Variants in TBC1D9 observed in about 807,000 individuals in gnomAD.
TBC1D9 encodes the protein TBC1 domain family member 9A.
A neutral mutation model predicts 132.0 loss-of-function variants in TBC1D9; 63 were observed. The ratio of observed to expected loss-of-function variants is 0.48; its 90% confidence interval spans 0.39 to 0.59. The LOEUF (loss-of-function observed/expected upper bound fraction) is 0.59. Among genes scored for constraint, TBC1D9 ranks in the 20% least tolerant of loss-of-function variants. TBC1D9 has a pLI of 0.00. For missense variants in TBC1D9, 1,261 were observed against 1,592.7 expected (o/e 0.79, Z 3.54); for synonymous variants, 610 against 609.9 (o/e 1.00, Z 0.00).
chr4:140,641,138 T>C (rs1311746789), intron 13 of TBC1D9, among the ~76,000 whole-genome samples: 1 of 144,772 alleles, frequency 6.9e-6, no homozygotes, highest in African/African-American at 2.6e-5. Flanking sequence ...GCATATTCCG[T>C]GAGATTCCAT....
At chr4:140,634,281 G>C in intron 15 of TBC1D9, 93 bp from the exon 16 acceptor site, 1 of 1,518,026 alleles carries the variant, frequency 6.6e-7, no homozygotes, top group Non-Finnish European at 8.8e-7. Flanking sequence ...GGCTTTAGGT[G>C]AATCTGTGTG....
intron 1 of TBC1D9, among the ~76,000 whole-genome samples, chr4:140,748,228 TA>T (rs1422284689): frequency 1.3e-5 from 2 of 152,122 alleles, no homozygotes; most frequent in Admixed American, 6.5e-5. Context: ...ATATTTAATT[TA>T]AAAAAATAAT....
chr4:140,646,130 G>A (rs116544854), intron 13 of TBC1D9, among the ~76,000 whole-genome samples: 1,857 of 152,278 alleles, frequency 0.012, 32 homozygotes, highest in African/African-American at 0.043. Context: ...ACAAATATTT[G>A]CTGAACTTAG....
At chr4:140,693,047 A>T (rs1737901094) in intron 2 of TBC1D9, among the ~76,000 whole-genome samples, 1 of 151,314 alleles carries the variant, frequency 6.6e-6, no homozygotes, top group Non-Finnish European at 1.5e-5. Context: ...ACAACAAAAA[A>T]CAACAAAAAA....
At chr4:140,673,512 G>A (rs1423626371) in intron 6 of TBC1D9, among the ~76,000 whole-genome samples, 1 of 152,104 alleles carries the variant, frequency 6.6e-6, no homozygotes, top group Non-Finnish European at 1.5e-5. Context: ...TGCCCCCATT[G>A]CTCTTCTGAC....
At chr4:140,642,859 T>C in intron 13 of TBC1D9, 1 of 577,410 alleles carries the variant, frequency 1.7e-6, no homozygotes, top group South Asian at 2.3e-5. Flanking sequence ...TGGGTCTGTT[T>C]CCACGGCCTG....
chr4:140,663,569 C>T (rs1392470516), intron 9 of TBC1D9, among the ~76,000 whole-genome samples: 1 of 152,056 alleles, frequency 6.6e-6, no homozygotes, highest in Non-Finnish European at 1.5e-5. Flanking sequence ...AAATCAGTAT[C>T]CTGAAGAAAT....
At chr4:140,666,545 A>G (rs1269518391) in intron 9 of TBC1D9, among the ~76,000 whole-genome samples, 1 of 151,888 alleles carries the variant, frequency 6.6e-6, no homozygotes, top group Non-Finnish European at 1.5e-5. Context: ...TCACCTTGTT[A>G]GCCAGGATGG....
chr4:140,710,247 T>A (rs1738222861), intron 1 of TBC1D9, among the ~76,000 whole-genome samples: 2 of 152,004 alleles, frequency 1.3e-5, no homozygotes, highest in Admixed American at 1.3e-4. Context: ...GGGCACTGGT[T>A]AAAAAGTGCT....
At chr4:140,675,557 C>T (rs1737610557) in intron 6 of TBC1D9, among the ~76,000 whole-genome samples, 1 of 152,138 alleles carries the variant, frequency 6.6e-6, no homozygotes, top group South Asian at 2.1e-4. Context: ...CAGACAAGTA[C>T]CAGAGTAAGC....
At chr4:140,731,527 AT>A (rs1738589599) in intron 1 of TBC1D9, among the ~76,000 whole-genome samples, 1 of 152,180 alleles carries the variant, frequency 6.6e-6, no homozygotes, top group Non-Finnish European at 1.5e-5. Flanking sequence ...ACCTGTCTCT[AT>A]AAAAATAAAA....
At position 140,635,211 on chromosome 4, in the gene TBC1D9, G is replaced by A. The variant is rs570329428; in HGVS notation, c.2506-1023C>T. Among the ~76,000 whole-genome samples, 10 of 152,316 alleles carry A rather than the reference G, an allele frequency of 6.6e-5. 2 individuals carry two copies. In the South Asian group the frequency reaches 1.9e-3, roughly 28 times the overall value. On this transcript the variant is annotated intron_variant, in intron 15 of 20. Coordinates refer to ENST00000442267, the MANE Select transcript of TBC1D9 (RefSeq NM_015130.3). ...AAAACACCTTTGGCCAGGTGCAGTG[G>A]CTCATTCCTATATTCCCAGCACTTT...
In TBC1D9 at chr4:140,706,473, A is replaced by C. The variant is rs1009880055; in HGVS notation, c.131-4859T>G. ...TATTGTGTAATGAATCATTCAAAAC[A>C]ATAGAAAAGTACAGGAAATTACAAA... is the stretch of plus-strand genomic sequence containing the variant. On this transcript the variant is annotated intron_variant, in intron 1 of 20. Coordinates refer to ENST00000442267, the MANE Select transcript of TBC1D9 (RefSeq NM_015130.3). The surrounding 1 kb of genome is among the most constrained non-coding windows in gnomAD (Gnocchi z 4.0). 6.6e-6 allele frequency among the ~76,000 whole-genome samples: 1 copy of C among 152,196 alleles called. No individual in the cohort carries two copies. Among genetic ancestry groups the C allele is most frequent in the African/African-American group, 2.4e-5 (1 of 41,458 alleles).
intron 3 of TBC1D9, among the ~76,000 whole-genome samples, chr4:140,684,830 C>CAATA (rs1341385632): frequency 6.7e-6 from 1 of 149,834 alleles, no homozygotes; most frequent in Admixed American, 6.7e-5. Context: ...AACTCTGTCT[C>CAATA]AATAAATAAA....
At chr4:140,684,596 C>T (rs550694365) in intron 3 of TBC1D9, among the ~76,000 whole-genome samples, 41 of 152,056 alleles carry the variant, frequency 2.7e-4, no homozygotes, top group African/African-American at 9.6e-4. Context: ...TTACTTATTT[C>T]TCCTGGCTAT....
At chr4:140,721,083 G>C (rs1252784215) in intron 1 of TBC1D9, among the ~76,000 whole-genome samples, 3 of 152,214 alleles carry the variant, frequency 2.0e-5, no homozygotes, top group African/African-American at 7.2e-5. Flanking sequence ...GGACCTAGAA[G>C]GGTGGGGAAG....
intron 6 of TBC1D9, among the ~76,000 whole-genome samples, chr4:140,672,337 C>A (rs1165157881): frequency 6.6e-6 from 1 of 151,138 alleles, no homozygotes; most frequent in Non-Finnish European, 1.5e-5. Context: ...CTTTCTAATG[C>A]AATAAATGCT....
rs73856685 is a variant in TBC1D9 at position 140,630,650 on chromosome 4, G to A, written c.2747-2285C>T. The stretch of plus-strand genomic sequence containing the variant: ...GTCTCTTGAGTTTGTTTTTCGAGTG[G>A]TGAGCAGCCAAACCTGGGTTCAGTT... On this transcript the variant is annotated intron_variant, in intron 16 of 20. Coordinates refer to ENST00000442267, the MANE Select transcript of TBC1D9 (RefSeq NM_015130.3). 8.1e-3 allele frequency among the ~76,000 whole-genome samples: 1,226 copies of A among 152,284 alleles called. 14 individuals are homozygous for A. The highest frequency in any genetic ancestry group is 0.027 in the African/African-American group (1,132 of 41,558).
Position 140,622,734 on chromosome 4 carries a change from G to A in TBC1D9, c.3262C>T (p.His1088Tyr). 6.2e-7 allele frequency: 1 copy of A among 1,608,402 alleles called. No homozygotes were observed. The highest frequency in any genetic ancestry group is 8.5e-7 in the Non-Finnish European group (1 of 1,179,762). Residue 1088 changes from histidine (H) to tyrosine (Y), a missense_variant, in exon 21 of 21, where the codon CAC becomes TAC. Physicochemically the swap from His to Tyr is moderately conservative, Grantham distance 83. This residue lies in a region of TBC1D9 where 618 missense variants were observed against 724.4 expected (regional missense o/e 0.85). Transcript: ENST00000442267. ...GGSGGSGPSC[H>Y]QGIPGVLFPK... ...AAGAGCACGCCTGGGATGCCCTGGT[G>A]GCAGGACGGCCCACTGCCTCCGCTC... is the stretch of plus-strand genomic sequence containing the variant.
Sources: gnomAD v4.1 joint callset for allele counts (sites outside exome capture counted in the v4.1 genomes callset) on GRCh38, gnomAD v4.1.1 for gene constraint, gnomAD v4.1.1 regional missense constraint, Gnocchi (gnomAD v3.1) non-coding constraint, MANE v1.5 for transcripts, NCBI Gene and HGNC (gene_info 2026-07-23, HGNC 2026-07-21) for gene names.